RBMS1: variants seen among roughly 807,000 people sequenced by gnomAD.
RBMS1 encodes RNA binding motif single stranded interacting protein 1, also known as RNA-binding motif, single-stranded-interacting protein 1.
In RBMS1, 17 loss-of-function variants were observed where a neutral mutation model predicts 62.3. The ratio of observed to expected loss-of-function variants is 0.27; its 90% CI spans 0.19 to 0.41. RBMS1 has a LOEUF of 0.41. RBMS1 is among the 10% of genes least tolerant of loss of function. The pLI, the probability that RBMS1 is intolerant of heterozygous loss-of-function variation, is 1.00. For missense variants in RBMS1, 334 were observed against 504.5 expected (o/e 0.66, Z 3.24); for synonymous variants, 172 against 170.0 (o/e 1.01, Z -0.09).
intron 1 of RBMS1, chr2:160,407,608 G>A (rs1182695086): frequency 1.0e-6 from 1 of 982,406 alleles, no homozygotes; most frequent in Non-Finnish European, 1.2e-6. Context: ...GAGGGCGCAA[G>A]GAGGTGGCCG....
chr2:160,426,218 G>GAAGAAGGAAAGAAAGA (rs1682566011), intron 1 of RBMS1, among the ~76,000 whole-genome samples: 1 of 48,676 alleles, frequency 2.1e-5, no homozygotes, highest in Non-Finnish European at 4.1e-5. Context: ...GAGAGAGACA[G>GAAGAAGGAAAGAAAGA]AAGAAAGAAA....
At chr2:160,432,013 T>A (rs777606001) in intron 1 of RBMS1, among the ~76,000 whole-genome samples, 5 of 152,194 alleles carry the variant, frequency 3.3e-5, no homozygotes, top group Non-Finnish European at 7.3e-5. Context: ...TTGCTCATTG[T>A]TTTATCACCA....
At chr2:160,474,881 A>G (rs1685061480) in intron 1 of RBMS1, among the ~76,000 whole-genome samples, 1 of 152,232 alleles carries the variant, frequency 6.6e-6, no homozygotes, top group South Asian at 2.1e-4. Flanking sequence ...AAGTATTTTC[A>G]GTTGCGTCGC....
intron 1 of RBMS1, among the ~76,000 whole-genome samples, chr2:160,465,888 A>T (rs11677486): frequency 8.7e-4 from 126 of 145,366 alleles, no homozygotes; most frequent in African/African-American, 2.2e-3. Context: ...ACACACACAC[A>T]CTCTCACATT....
At chr2:160,448,770 A>AG (rs1683792906) in intron 1 of RBMS1, among the ~76,000 whole-genome samples, 1 of 135,118 alleles carries the variant, frequency 7.4e-6, no homozygotes, top group Non-Finnish European at 1.6e-5. Flanking sequence ...CTGGGATGTG[A>AG]GGAGCCCCTC....
At chr2:160,486,303 A>G (rs1379841022) in intron 1 of RBMS1, among the ~76,000 whole-genome samples, 1 of 152,114 alleles carries the variant, frequency 6.6e-6, no homozygotes, top group African/African-American at 2.4e-5. Flanking sequence ...CCAGTCCAAG[A>G]AACTCAAGTT....
intron 1 of RBMS1, among the ~76,000 whole-genome samples, chr2:160,424,262 A>G (rs966276673): frequency 6.7e-6 from 1 of 148,718 alleles, no homozygotes. Flanking sequence ...CAAATGATCC[A>G]CCCGCCTCAG....
At chr2:160,354,305 T>A (rs1191516511) in intron 2 of RBMS1, among the ~76,000 whole-genome samples, 1 of 152,116 alleles carries the variant, frequency 6.6e-6, no homozygotes, top group Non-Finnish European at 1.5e-5. Context: ...AAAAGGTAAT[T>A]GCATGCTGTC....
chr2:160,294,745 G>C (rs932436050), intron 6 of RBMS1, among the ~76,000 whole-genome samples: 13 of 152,086 alleles, frequency 8.5e-5, no homozygotes, highest in African/African-American at 3.1e-4. Flanking sequence ...TAAACAACTT[G>C]CATCATTAAA....
At chr2:160,382,705 A>G (rs1327001981) in intron 1 of RBMS1, among the ~76,000 whole-genome samples, 2 of 152,066 alleles carry the variant, frequency 1.3e-5, no homozygotes, top group Admixed American at 6.5e-5. Context: ...CAATCCTTCT[A>G]ATTGATTTTT....
chr2:160,300,104 G>A (rs1689132355), intron 6 of RBMS1, among the ~76,000 whole-genome samples: 2 of 152,178 alleles, frequency 1.3e-5, no homozygotes, highest in Non-Finnish European at 2.9e-5. Context: ...ACAGGTAAAG[G>A]AGGATGAATA....
chr2:160,493,066 C>G (rs902489543), intron 1 of RBMS1: 29 of 518,672 alleles, frequency 5.6e-5, no homozygotes, highest in African/African-American at 4.3e-4. Context: ...AGTCTCTCCC[C>G]CCGCGGCTTT....
chr2:160,458,895 C>T (rs1446700364), intron 1 of RBMS1, among the ~76,000 whole-genome samples: 3 of 151,978 alleles, frequency 2.0e-5, no homozygotes, highest in African/African-American at 7.3e-5. Context: ...CTGGATGGGG[C>T]GGGCCCTTAC....
intron 2 of RBMS1, among the ~76,000 whole-genome samples, chr2:160,363,542 C>T (rs754635470): frequency 1.1e-4 from 17 of 151,716 alleles, no homozygotes; most frequent in Non-Finnish European, 1.8e-4. Context: ...AGGAGTCAGC[C>T]GGTTCTTCTG....
chr2:160,313,671 A>G (rs1690058462), intron 3 of RBMS1, among the ~76,000 whole-genome samples: 1 of 152,228 alleles, frequency 6.6e-6, no homozygotes, highest in Non-Finnish European at 1.5e-5. Flanking sequence ...AATGACAGAA[A>G]CAAAAATTAT....
At chr2:160,331,492 A>G (rs539117781) in intron 2 of RBMS1, among the ~76,000 whole-genome samples, 1 of 152,232 alleles carries the variant, frequency 6.6e-6, no homozygotes, top group East Asian at 1.9e-4. Flanking sequence ...TGTCATCCCC[A>G]TTAGGTGTGT....
chr2:160,335,233 C>A (rs928933773), intron 2 of RBMS1, among the ~76,000 whole-genome samples: 2 of 152,032 alleles, frequency 1.3e-5, no homozygotes, highest in African/African-American at 4.8e-5. Flanking sequence ...ATTTTATTAT[C>A]AAACTAATGA....
chr2:160,356,142 T>C (rs1302627642), intron 2 of RBMS1, among the ~76,000 whole-genome samples: 1 of 152,132 alleles, frequency 6.6e-6, no homozygotes, highest in African/African-American at 2.4e-5. Flanking sequence ...GCCTAGCAAA[T>C]GACAAGTTGG....
At chr2:160,353,768 T>C (rs1447110361) in intron 2 of RBMS1, among the ~76,000 whole-genome samples, 1 of 152,088 alleles carries the variant, frequency 6.6e-6, no homozygotes, top group African/African-American at 2.4e-5. Flanking sequence ...CTCAGCTTTT[T>C]CAGTTATAAC....
Sources: gnomAD v4.1 joint callset for allele counts (sites outside exome capture counted in the v4.1 genomes callset) on GRCh38, gnomAD v4.1.1 for gene constraint, MANE v1.5 for transcripts, NCBI Gene and HGNC (gene_info 2026-07-23, HGNC 2026-07-21) for gene names.